Variants in CDH18 observed in about 807,000 individuals in gnomAD.
CDH18 encodes cadherin 18.
In CDH18, 31 loss-of-function variants were observed where a neutral mutation model predicts 67.9. That is an observed-to-expected ratio of 0.46 (90% confidence interval 0.34 to 0.62). The LOEUF is 0.62. Among genes scored for constraint, CDH18 ranks in the 20% least tolerant of loss-of-function variants. The probability of loss-of-function intolerance (pLI) is 0.01; values close to 1 mark genes in which losing one functional copy is unlikely to be tolerated. For synonymous variants in CDH18, 362 were observed against 347.2 expected (o/e 1.04, Z -0.48); for missense variants, 890 against 975.5 (o/e 0.91, Z 1.17).
intron 1 of CDH18, among the ~76,000 whole-genome samples, chr5:20,309,760 G>A (rs1736824071): frequency 6.6e-6 from 1 of 152,102 alleles, no homozygotes; most frequent in Non-Finnish European, 1.5e-5. Context: ...CATCATAGCT[G>A]GGTAGCAAAT....
chr5:20,472,273 G>C (rs1461174975), intron 1 of CDH18, among the ~76,000 whole-genome samples: 3 of 152,076 alleles, frequency 2.0e-5, no homozygotes, highest in Non-Finnish European at 2.9e-5. Flanking sequence ...TGAATGATTA[G>C]GAATAGGTTT....
intron 5 of CDH18, among the ~76,000 whole-genome samples, chr5:19,642,261 G>T (rs1754110306): frequency 6.6e-6 from 1 of 151,800 alleles, no homozygotes; most frequent in African/African-American, 2.4e-5. Context: ...ACCCAAAGTG[G>T]TCTACAGATT....
At chr5:19,898,360 A>AC (rs397702505) in intron 2 of CDH18, among the ~76,000 whole-genome samples, 180 of 151,272 alleles carry the variant, frequency 1.2e-3, no homozygotes, top group African/African-American at 4.1e-3. Context: ...GTTAAAAAAA[A>AC]CTTTTTAATA....
intron 2 of CDH18, among the ~76,000 whole-genome samples, chr5:20,123,855 C>G (rs1748586076): frequency 7.1e-6 from 1 of 141,348 alleles, no homozygotes; most frequent in African/African-American, 2.7e-5. Context: ...CTACTGCACT[C>G]CAGCCTGGGA....
intron 1 of CDH18, among the ~76,000 whole-genome samples, chr5:20,519,032 A>G (rs1755553501): frequency 2.0e-5 from 3 of 152,128 alleles, no homozygotes; most frequent in African/African-American, 4.8e-5. Context: ...AAAGCCAAAA[A>G]TGCTCAATAC....
intron 2 of CDH18, among the ~76,000 whole-genome samples, chr5:20,179,244 A>T (rs1028264757): frequency 6.6e-6 from 1 of 152,170 alleles, no homozygotes; most frequent in African/African-American, 2.4e-5. Context: ...GGTTCTAACA[A>T]TAATTTTGCA....
intron 7 of CDH18, among the ~76,000 whole-genome samples, chr5:19,584,806 A>AAG (rs1554052870): frequency 6.8e-6 from 1 of 148,100 alleles, no homozygotes; most frequent in African/African-American, 2.5e-5. Flanking sequence ...AAAAAAAAAA[A>AAG]AAAAAAGAAA....
chr5:20,014,870 A>T (rs535384450), intron 2 of CDH18, among the ~76,000 whole-genome samples: 188 of 152,226 alleles, frequency 1.2e-3, no homozygotes, highest in Non-Finnish European at 2.2e-3. Flanking sequence ...ACTGTTGATC[A>T]TTTGGTCAGA....
At chr5:19,815,895 A>G (rs970709961) in intron 3 of CDH18, among the ~76,000 whole-genome samples, 6 of 151,850 alleles carry the variant, frequency 4.0e-5, no homozygotes, top group African/African-American at 1.4e-4. Flanking sequence ...TTATTCACAC[A>G]TGATAGGACA....
At chr5:19,600,420 A>G (rs1282347707) in intron 6 of CDH18, among the ~76,000 whole-genome samples, 1 of 151,546 alleles carries the variant, frequency 6.6e-6, no homozygotes, top group Non-Finnish European at 1.5e-5. Context: ...AATGTCTTAA[A>G]TTAACTTATA....
rs566245749 is a variant in CDH18 at position 19,780,927 on chromosome 5, A to G, written c.229-33691T>C. On this transcript the variant is annotated intron_variant, in intron 3 of 12. Coordinates refer to ENST00000382275, the MANE Select transcript of CDH18 (RefSeq NM_004934.5). The stretch of plus-strand genomic sequence containing the variant: ...CAAAGAATAATGCCACAGGTGATCA[A>G]ATAAGGCCTGCTGAAGTGGTTTCCT... 4.6e-5 allele frequency among the ~76,000 whole-genome samples: 7 copies of G among 152,284 alleles called. No homozygotes were observed. The South Asian group carries it at 1.4e-3, about 32-fold the overall frequency.
At chr5:20,247,822 T>C (rs1277566907) in intron 2 of CDH18, among the ~76,000 whole-genome samples, 4 of 151,318 alleles carry the variant, frequency 2.6e-5, no homozygotes, top group Non-Finnish European at 5.9e-5. Context: ...AAACAAAACA[T>C]TTTGCCACTC....
chr5:20,147,518 C>T (rs2126551312), intron 2 of CDH18, among the ~76,000 whole-genome samples: 1 of 152,042 alleles, frequency 6.6e-6, no homozygotes, highest in Non-Finnish European at 1.5e-5. Context: ...TTTTTCATCC[C>T]AATGTGTACC....
At chr5:19,600,691 G>A (rs1156342450) in intron 6 of CDH18, among the ~76,000 whole-genome samples, 1 of 151,864 alleles carries the variant, frequency 6.6e-6, no homozygotes, top group Admixed American at 6.6e-5. Context: ...AGTACATGGG[G>A]AGAAATTTTT....
intron 1 of CDH18, among the ~76,000 whole-genome samples, chr5:20,357,154 A>G (rs1049617173): frequency 6.6e-6 from 1 of 152,076 alleles, no homozygotes; most frequent in Admixed American, 6.6e-5. Context: ...ATACATTTAT[A>G]TAAAAATGAG....
At chr5:19,647,732 A>T (rs62351296) in intron 5 of CDH18, among the ~76,000 whole-genome samples, 8,783 of 151,850 alleles carry the variant, frequency 0.058, 285 homozygotes, top group Non-Finnish European at 0.074. Flanking sequence ...CCCTGCAGCA[A>T]ATTGATCACT....
intron 2 of CDH18, among the ~76,000 whole-genome samples, chr5:19,904,482 G>A (rs1283240514): frequency 1.3e-5 from 2 of 151,440 alleles, no homozygotes; most frequent in African/African-American, 2.4e-5. Context: ...GACACTTGAG[G>A]GTATAAGATT....
Position 19,473,036 on chromosome 5 carries a change from T to G in CDH18, c.*190A>C. On this transcript the variant is annotated 3_prime_UTR_variant, in exon 13 of 13. Coordinates refer to ENST00000382275, the MANE Select transcript of CDH18 (RefSeq NM_004934.5). ...AACTTTTTCTTTGTATTGTCTTTTTTTTTTTTTTTTTACTTTCTTCCAATT... is the reference window on the plus strand; with the variant it reads ...AACTTTTTCTTTGTATTGTCTTTTTGTTTTTTTTTTTACTTTCTTCCAATT... 1 of 548,892 alleles carries G rather than the reference T, an allele frequency of 1.8e-6. No homozygotes were observed. Among genetic ancestry groups the G allele is most frequent in the Non-Finnish European group, 3.1e-6 (1 of 324,644 alleles). 34.0% of individuals were successfully genotyped at this position (548,892 alleles called of 1,614,324 possible).
At chr5:19,594,507 A>AACCT (rs1561428494) in intron 6 of CDH18, among the ~76,000 whole-genome samples, 1 of 152,146 alleles carries the variant, frequency 6.6e-6, no homozygotes, top group Non-Finnish European at 1.5e-5. Flanking sequence ...CTTGTTGAAG[A>AACCT]TGATTTTACT....
Sources: gnomAD v4.1 joint callset for allele counts (sites outside exome capture counted in the v4.1 genomes callset) on GRCh38, gnomAD v4.1.1 for gene constraint, MANE v1.5 for transcripts, NCBI Gene and HGNC (gene_info 2026-07-23, HGNC 2026-07-21) for gene names.